The following SLCO3A1 variants were observed in gnomAD, a reference collection of about 807,000 sequenced individuals.
SLCO3A1 encodes PGE1 transporter.
Under a neutral mutation model 63.1 loss-of-function variants are expected in SLCO3A1, and 27 were observed. That is an observed-to-expected ratio of 0.43 (90% CI 0.32 to 0.59). The LOEUF is 0.59. Among genes scored for constraint, SLCO3A1 ranks in the 20% least tolerant of loss-of-function variants. SLCO3A1 has a pLI of 0.09. For missense variants in SLCO3A1, 773 were observed against 945.8 expected, an observed-to-expected ratio of 0.82 and a Z score of 2.40; for synonymous variants, 473 against 409.9, an observed-to-expected ratio of 1.15 and a Z score of -1.86.
At chr15:92,106,931 T>C (rs1217070047) in intron 4 of SLCO3A1, among the ~76,000 whole-genome samples, 1 of 152,174 alleles carries the variant, frequency 6.6e-6, no homozygotes, top group African/African-American at 2.4e-5. Context: ...ATTAACTCAT[T>C]TGTTTTATTC....
At position 91,860,874 on chromosome 15, in the gene SLCO3A1, T is replaced by C. The variant is rs1301980942; in HGVS notation, c.180+6786T>C. On this transcript the variant is annotated intron_variant, in intron 1 of 9. Transcript: ENST00000318445. The surrounding 1 kb of genome is among the most constrained non-coding windows in gnomAD (Gnocchi z 5.5). Reference sequence around the variant, plus strand: ...TTTCCCCACGCTTGGTCTTTTTTTTTGGTTTCTCATAAGCAGAACAATGGA... The same window carrying C: ...TTTCCCCACGCTTGGTCTTTTTTTTCGGTTTCTCATAAGCAGAACAATGGA... Among the ~76,000 whole-genome samples the C allele has an allele frequency of 6.6e-6, 1 of 152,190 alleles. No homozygotes were observed. Among genetic ancestry groups the C allele is most frequent in the African/African-American group, 2.4e-5 (1 of 41,450 alleles).
At chr15:91,959,457 C>T (rs1019141363) in intron 2 of SLCO3A1, among the ~76,000 whole-genome samples, 5 of 151,946 alleles carry the variant, frequency 3.3e-5, no homozygotes, top group African/African-American at 4.8e-5. Context: ...AGGCTGGGCA[C>T]GGTGGCTCAC....
At chr15:91,891,718 C>T (rs1897875139) in intron 1 of SLCO3A1, among the ~76,000 whole-genome samples, 1 of 152,222 alleles carries the variant, frequency 6.6e-6, no homozygotes, top group Non-Finnish European at 1.5e-5. Flanking sequence ...AGTTAACACG[C>T]AGCTTCACAG....
chr15:92,056,091 C>T (rs1210201636), intron 2 of SLCO3A1, among the ~76,000 whole-genome samples: 3 of 152,018 alleles, frequency 2.0e-5, no homozygotes, highest in South Asian at 2.1e-4. Flanking sequence ...GTCTTTGTTG[C>T]GTCTGCAGTT....
chr15:91,892,202 ACTT>A (rs1300603686), intron 1 of SLCO3A1, among the ~76,000 whole-genome samples: 1 of 152,200 alleles, frequency 6.6e-6, no homozygotes, highest in Non-Finnish European at 1.5e-5. Context: ...TGTCTTTACT[ACTT>A]AAGAAGATGA....
At chr15:92,017,280 G>A (rs2046448925) in intron 2 of SLCO3A1, among the ~76,000 whole-genome samples, 1 of 147,576 alleles carries the variant, frequency 6.8e-6, no homozygotes, top group Non-Finnish European at 1.5e-5. Flanking sequence ...TGGAGGAGCT[G>A]GGATTGGGGG....
At chr15:91,913,852 C>T (rs1290478545) in intron 1 of SLCO3A1, among the ~76,000 whole-genome samples, 2 of 152,102 alleles carry the variant, frequency 1.3e-5, no homozygotes, top group Non-Finnish European at 2.9e-5. Flanking sequence ...AGAACTCTGC[C>T]CTAAAATGCT....
At chr15:92,087,799 G>T (rs1243699761) in intron 2 of SLCO3A1, among the ~76,000 whole-genome samples, 5 of 152,136 alleles carry the variant, frequency 3.3e-5, no homozygotes, top group Non-Finnish European at 7.4e-5. Context: ...GATTAGAGGT[G>T]TGAGCCACCA....
chr15:91,992,944 A>G (rs1476022981), intron 2 of SLCO3A1, among the ~76,000 whole-genome samples: 2 of 152,200 alleles, frequency 1.3e-5, no homozygotes, highest in East Asian at 3.8e-4. Context: ...GCTGCCAAGT[A>G]TGATGATTTT....
At chr15:91,895,794 A>C (rs935859923) in intron 1 of SLCO3A1, among the ~76,000 whole-genome samples, 4 of 152,344 alleles carry the variant, frequency 2.6e-5, no homozygotes, top group African/African-American at 9.6e-5. Flanking sequence ...CATGGCATTT[A>C]TCGTTACAGG....
In SLCO3A1 at chr15:92,165,695, A is replaced by T. The variant is rs1371717994; in HGVS notation, c.*2560A>T. On this transcript the variant is annotated 3_prime_UTR_variant, in exon 10 of 10. Transcript: ENST00000318445. ...GAATTCTGTTGTGTCGTCTTTTAAA[A>T]TTTTAATTATTCTCATATAGTACCG... The T allele has an allele frequency of 8.1e-6, 8 of 985,160 alleles. No homozygotes were observed. Among genetic ancestry groups the T allele is most frequent in the Non-Finnish European group, 8.4e-6 (7 of 829,798 alleles). The allele number at this position is 985,160 out of a possible 1,614,324, so 61.0% of individuals were successfully genotyped here. A position where few individuals can be genotyped will look rare whatever the true frequency, so the allele number is the denominator to read the frequency against.
rs1263523866 is a variant in SLCO3A1 at position 91,897,559 on chromosome 15, C to A, written c.181-18434C>A. 6.6e-6 allele frequency among the ~76,000 whole-genome samples: 1 copy of A among 152,194 alleles called. No individual in the cohort carries two copies. The highest frequency in any genetic ancestry group is 2.4e-5 in the African/African-American group (1 of 41,458). On this transcript the variant is annotated intron_variant, in intron 1 of 9. Transcript: ENST00000318445. This position sits in a 1 kb window ranked among gnomAD's most constrained non-coding sequence, Gnocchi z 4.7. ...GGATCAAAATAAAAAACTCAACAGG[C>A]TTCTTCTGATTTCTGACAGTTTCTT...
At chr15:91,906,459 T>C (rs1898311651) in intron 1 of SLCO3A1, among the ~76,000 whole-genome samples, 1 of 152,204 alleles carries the variant, frequency 6.6e-6, no homozygotes, top group South Asian at 2.1e-4. Context: ...GGTACAGCTT[T>C]GCAATAAAGG....
At chr15:92,104,227 C>G (rs370192955) in intron 3 of SLCO3A1, 52 bp from the exon 4 acceptor site, 6 of 1,593,180 alleles carry the variant, frequency 3.8e-6, no homozygotes, top group African/African-American at 2.7e-5. Flanking sequence ...AGCAAAATCC[C>G]CAGTGGTCCA....
chr15:91,888,883 C>T (rs1270838796), intron 1 of SLCO3A1, among the ~76,000 whole-genome samples: 1 of 152,054 alleles, frequency 6.6e-6, no homozygotes. Context: ...GTGGCACACA[C>T]CTGTAGCTCT....
At chr15:92,100,318 G>A (rs2047590230) in intron 3 of SLCO3A1, among the ~76,000 whole-genome samples, 1 of 152,188 alleles carries the variant, frequency 6.6e-6, no homozygotes, top group South Asian at 2.1e-4. Flanking sequence ...GGGTAGATTA[G>A]TGGCTTGATG....
chr15:91,913,212 C>G (rs1898538675), intron 1 of SLCO3A1, among the ~76,000 whole-genome samples: 1 of 152,210 alleles, frequency 6.6e-6, no homozygotes, highest in South Asian at 2.1e-4. Flanking sequence ...CTTGACTTGT[C>G]TAGAAAGCAC....
At chr15:92,087,878 A>G (rs1043019105) in intron 2 of SLCO3A1, among the ~76,000 whole-genome samples, 12 of 152,214 alleles carry the variant, frequency 7.9e-5, no homozygotes, top group African/African-American at 2.9e-4. Context: ...TTCCTGGACC[A>G]GAAAATTTCA....
chr15:91,999,759 C>G (rs1334404942), intron 2 of SLCO3A1, among the ~76,000 whole-genome samples: 1 of 152,184 alleles, frequency 6.6e-6, no homozygotes, highest in Non-Finnish European at 1.5e-5. Context: ...CCACTGCACT[C>G]TAGCTGGGCA....
Sources: gnomAD v4.1 joint callset for allele counts (sites outside exome capture counted in the v4.1 genomes callset) on GRCh38, gnomAD v4.1.1 for gene constraint, Gnocchi (gnomAD v3.1) non-coding constraint, MANE v1.5 for transcripts, NCBI Gene and HGNC (gene_info 2026-07-23, HGNC 2026-07-21) for gene names.